Variants in TMEM232 observed in about 807,000 individuals in gnomAD.
TMEM232 encodes transmembrane protein 232.
In TMEM232, 80 loss-of-function variants were observed where a neutral mutation model predicts 78.8. That is an observed-to-expected ratio of 1.01 (90% CI 0.85 to 1.22). The LOEUF (loss-of-function observed/expected upper bound fraction) is 1.22, where lower values mean the gene tolerates loss of function less well. Ranked by LOEUF, TMEM232 falls within the 50% of genes most tolerant of loss-of-function variation. TMEM232 has a pLI of 0.00. For synonymous variants in TMEM232, 297 were observed against 254.3 expected, an observed-to-expected ratio of 1.17 and a Z score of -1.60; for missense variants, 881 against 742.2, an observed-to-expected ratio of 1.19 and a Z score of -2.17.
chr5:110,550,202 C>T (rs935968163), intron 11 of TMEM232, among the ~76,000 whole-genome samples: 2 of 152,108 alleles, frequency 1.3e-5, no homozygotes, highest in Non-Finnish European at 2.9e-5. Context: ...AAAAATCTGT[C>T]AATCATACCA....
rs145892785 is a variant in TMEM232, at chr5:110,696,664, C to T, written c.-12-29300G>A. 1.6e-3 allele frequency among the ~76,000 whole-genome samples: 247 copies of T among 152,194 alleles called. 1 individual carries two copies. The highest frequency in any genetic ancestry group is 3.1e-3 in the Admixed American group (48 of 15,290). Reference sequence around the variant, plus strand: ...AGCATTCTTATACATCAATAACAAACGGAGAGCCAAATCATGAGTGAACTC... The same window carrying T: ...AGCATTCTTATACATCAATAACAAATGGAGAGCCAAATCATGAGTGAACTC... On this transcript the variant is annotated intron_variant, in intron 1 of 13. Coordinates refer to ENST00000455884, the MANE Select transcript of TMEM232 (RefSeq NM_001039763.4).
At chr5:110,516,388 G>A (rs566251636) in intron 12 of TMEM232, among the ~76,000 whole-genome samples, 1 of 152,232 alleles carries the variant, frequency 6.6e-6, no homozygotes, top group African/African-American at 2.4e-5. Flanking sequence ...ACACTTATGA[G>A]AAACCTCAGA....
At chr5:110,519,376 G>A (rs7722640) in intron 12 of TMEM232, among the ~76,000 whole-genome samples, 49,442 of 151,974 alleles carry the variant, frequency 0.33, 14,007 homozygotes, top group African/African-American at 0.76. Context: ...ATTAATGTTC[G>A]ACATCACTAT....
At chr5:110,416,379 A>G (rs543305571), downstream of TMEM232, among the ~76,000 whole-genome samples, 3 of 152,346 alleles carry the variant, frequency 2.0e-5, no homozygotes, top group African/African-American at 7.2e-5. Context: ...GTCATTGATT[A>G]ATCACAGATA....
At chr5:110,715,469 C>T (rs1796920749) in intron 1 of TMEM232, among the ~76,000 whole-genome samples, 2 of 152,158 alleles carry the variant, frequency 1.3e-5, no homozygotes, top group Admixed American at 1.3e-4. Flanking sequence ...GAACTGAACA[C>T]TGAATGTCAC....
intron 12 of TMEM232, among the ~76,000 whole-genome samples, chr5:110,497,146 T>TA (rs1765732241): frequency 6.6e-6 from 1 of 151,924 alleles, no homozygotes; most frequent in South Asian, 2.1e-4. Context: ...CCTGACACTT[T>TA]AAAAAAACCT....
chr5:110,592,687 C>T (rs931783406), intron 10 of TMEM232, among the ~76,000 whole-genome samples: 1 of 151,896 alleles, frequency 6.6e-6, no homozygotes, highest in African/African-American at 2.4e-5. Context: ...AAAAAACAAA[C>T]AAAAAAAGCT....
intron 12 of TMEM232, among the ~76,000 whole-genome samples, chr5:110,439,733 A>G (rs1006557175): frequency 3.9e-5 from 6 of 151,964 alleles, no homozygotes; most frequent in Non-Finnish European, 2.9e-5. Flanking sequence ...TTGCATTTTA[A>G]TTCTTTTTCA....
Position 110,389,713 on chromosome 5 carries a change from C to A in TMEM232, n.615+703G>T, listed in dbSNP as rs80048757. On this transcript the variant is annotated intron_variant and non_coding_transcript_variant, in intron 4 of 8. Coordinates refer to the TMEM232 transcript ENST00000507188. Reference sequence around the variant, plus strand: ...ACTGTAAATTGAGCAAGATCAAGCTCTTTTCTAGATGCCAATATCAGACAG... The same window carrying A: ...ACTGTAAATTGAGCAAGATCAAGCTATTTTCTAGATGCCAATATCAGACAG... Among the ~76,000 whole-genome samples the A allele has an allele frequency of 2.3e-3, 343 of 152,272 alleles. 1 individual carries two copies. The highest frequency in any genetic ancestry group is 8.1e-3 in the African/African-American group (335 of 41,566).
chr5:110,629,994 A>G (rs1242832373), intron 5 of TMEM232, among the ~76,000 whole-genome samples: 1 of 152,206 alleles, frequency 6.6e-6, no homozygotes, highest in Non-Finnish European at 1.5e-5. Flanking sequence ...AACTGCATAT[A>G]GAGCGGGTGA....
At chr5:110,489,429 C>T (rs1764801004) in intron 12 of TMEM232, among the ~76,000 whole-genome samples, 1 of 151,836 alleles carries the variant, frequency 6.6e-6, no homozygotes, top group Non-Finnish European at 1.5e-5. Context: ...TCAACAGACA[C>T]AGAAAAAGCA....
At chr5:110,590,251 T>A (rs1350694646) in intron 10 of TMEM232, among the ~76,000 whole-genome samples, 2 of 152,102 alleles carry the variant, frequency 1.3e-5, no homozygotes, top group South Asian at 2.1e-4. Context: ...AAAATGGACA[T>A]GTTAAGTAGC....
intron 1 of TMEM232, among the ~76,000 whole-genome samples, chr5:110,691,372 T>G (rs547749182): frequency 2.0e-5 from 3 of 152,212 alleles, no homozygotes; most frequent in African/African-American, 7.2e-5. Flanking sequence ...CCCTTTGTCT[T>G]TGATGCAAAC....
At chr5:110,529,674 T>A (rs1216131765) in intron 11 of TMEM232, among the ~76,000 whole-genome samples, 1 of 151,980 alleles carries the variant, frequency 6.6e-6, no homozygotes, top group Admixed American at 6.6e-5. Flanking sequence ...AATCAAAATG[T>A]AAAAAAAATA....
intron 12 of TMEM232, among the ~76,000 whole-genome samples, chr5:110,496,942 G>T (rs938849142): frequency 2.0e-5 from 3 of 151,968 alleles, no homozygotes; most frequent in African/African-American, 7.2e-5. Flanking sequence ...TAAATCTACA[G>T]AGTGCTGTAT....
upstream of TMEM232, among the ~76,000 whole-genome samples, chr5:110,727,408 G>A (rs975467802): frequency 6.6e-6 from 1 of 152,126 alleles, no homozygotes; most frequent in African/African-American, 2.4e-5. Context: ...TCAGGAGTTC[G>A]AGACCATCCT....
chr5:110,585,193 A>G (rs1310565402), intron 10 of TMEM232, among the ~76,000 whole-genome samples: 5 of 152,144 alleles, frequency 3.3e-5, no homozygotes, highest in Non-Finnish European at 7.4e-5. Context: ...GCCCATCCCA[A>G]CAAAAGGAAC....
At chr5:110,609,237 G>A (rs1283444161) in intron 8 of TMEM232, among the ~76,000 whole-genome samples, 2 of 151,936 alleles carry the variant, frequency 1.3e-5, no homozygotes, top group African/African-American at 4.8e-5. Context: ...ACATGATCCC[G>A]AAAACAGAAA....
chr5:110,654,948 T>A (rs1030462585), intron 2 of TMEM232, among the ~76,000 whole-genome samples: 1 of 151,994 alleles, frequency 6.6e-6, no homozygotes, highest in Non-Finnish European at 1.5e-5. Flanking sequence ...AACCATAAAA[T>A]CCCTAGAAGA....
Sources: gnomAD v4.1 joint callset for allele counts (sites outside exome capture counted in the v4.1 genomes callset) on GRCh38, gnomAD v4.1.1 for gene constraint, MANE v1.5 for transcripts, NCBI Gene and HGNC (gene_info 2026-07-23, HGNC 2026-07-21) for gene names.